Variants in CADM1 observed in about 807,000 individuals in gnomAD.
CADM1 encodes the protein cell adhesion molecule 1.
A neutral mutation model predicts 53.1 loss-of-function variants in CADM1; 15 were observed. The ratio of observed to expected loss-of-function variants is 0.28; its 90% confidence interval spans 0.19 to 0.44. CADM1 has a LOEUF of 0.44. Among genes scored for constraint, CADM1 ranks in the 20% least tolerant of loss-of-function variants. The pLI is 1.00. For missense variants in CADM1, 434 were observed against 611.3 expected, an observed-to-expected ratio of 0.71 and a Z score of 3.06; for synonymous variants, 281 against 243.0, an observed-to-expected ratio of 1.16 and a Z score of -1.45.
intron 1 of CADM1, among the ~76,000 whole-genome samples, chr11:115,362,296 T>TGG (rs1396924581): frequency 1.3e-5 from 2 of 152,208 alleles, no homozygotes; most frequent in Non-Finnish European, 2.9e-5. Context: ...TCCTTTGCCC[T>TGG]ATCTTATACC....
chr11:115,210,238 G>C (rs1004884750), intron 7 of CADM1, among the ~76,000 whole-genome samples: 3 of 152,196 alleles, frequency 2.0e-5, no homozygotes, highest in Non-Finnish European at 4.4e-5. Flanking sequence ...CCAGGCATGT[G>C]AGATTTTACT....
chr11:115,240,247 T>C, intron 2 of CADM1, 27 bp downstream of exon 2: 3 of 1,611,710 alleles, frequency 1.9e-6, no homozygotes, highest in Non-Finnish European at 2.5e-6. Context: ...AAAGTTGCCA[T>C]CTACAACTAT....
chr11:115,467,106 A>T (rs1440192668), intron 1 of CADM1, among the ~76,000 whole-genome samples: 1 of 152,226 alleles, frequency 6.6e-6, no homozygotes, highest in East Asian at 1.9e-4. Flanking sequence ...AGAGGGATTA[A>T]AAATGCTTTT....
chr11:115,500,297 A>AACAG (rs1385994380), intron 1 of CADM1, among the ~76,000 whole-genome samples: 2 of 151,936 alleles, frequency 1.3e-5, no homozygotes, highest in African/African-American at 2.4e-5. Context: ...TTTTGCTAAA[A>AACAG]ACAGACACAC....
chr11:115,240,920 T>C (rs1257441960), intron 1 of CADM1: 4 of 176,318 alleles, frequency 2.3e-5, no homozygotes, highest in South Asian at 1.3e-4. Context: ...TCCCAATGTA[T>C]AGGCAGTTCA....
chr11:115,490,887 G>GTAAC (rs1210522690), intron 1 of CADM1, among the ~76,000 whole-genome samples: 1 of 152,138 alleles, frequency 6.6e-6, no homozygotes, highest in Non-Finnish European at 1.5e-5. Flanking sequence ...GGCAACAGTG[G>GTAAC]TAACTATAGG....
chr11:115,195,934 G>A (rs1940124394), intron 9 of CADM1, among the ~76,000 whole-genome samples: 1 of 152,156 alleles, frequency 6.6e-6, no homozygotes, highest in Admixed American at 6.5e-5. Context: ...GTATTATACA[G>A]GGATCAGCCT....
chr11:115,404,364 T>A (rs1418807132), intron 1 of CADM1, among the ~76,000 whole-genome samples: 686 of 37,094 alleles, frequency 0.018, 89 homozygotes, highest in Admixed American at 0.049. Flanking sequence ...TATATATATA[T>A]ATATATATAT....
chr11:115,271,451 T>C (rs1267799981), intron 1 of CADM1, among the ~76,000 whole-genome samples: 2 of 152,016 alleles, frequency 1.3e-5, no homozygotes, highest in Admixed American at 6.6e-5. Flanking sequence ...CCCAGCTAAT[T>C]TTTTGTATTT....
At chr11:115,201,382 A>C (rs1940420940) in intron 8 of CADM1, among the ~76,000 whole-genome samples, 1 of 152,222 alleles carries the variant, frequency 6.6e-6, no homozygotes, top group Non-Finnish European at 1.5e-5. Flanking sequence ...TGCTCCCTGC[A>C]GGAGACCACG....
chr11:115,369,522 T>C (rs375819146), intron 1 of CADM1, among the ~76,000 whole-genome samples: 13 of 152,166 alleles, frequency 8.5e-5, no homozygotes, highest in African/African-American at 3.1e-4. Context: ...GGAAGAAAAA[T>C]ATCTCTCAGA....
At chr11:115,260,156 C>T (rs912657589) in intron 1 of CADM1, among the ~76,000 whole-genome samples, 1 of 152,164 alleles carries the variant, frequency 6.6e-6, no homozygotes, top group African/African-American at 2.4e-5. Context: ...TCTCAAACTC[C>T]TGGACTCAAG....
At chr11:115,345,948 G>A (rs898953888) in intron 1 of CADM1, among the ~76,000 whole-genome samples, 4 of 152,106 alleles carry the variant, frequency 2.6e-5, no homozygotes, top group African/African-American at 9.7e-5. Context: ...ATAAAGTGAA[G>A]TCTTCATTAG....
At chr11:115,293,223 G>A (rs112488027) in intron 1 of CADM1, among the ~76,000 whole-genome samples, 270 of 152,294 alleles carry the variant, frequency 1.8e-3, no homozygotes, top group African/African-American at 6.0e-3. Context: ...CCGGGGTCAG[G>A]AGATCAAGAC....
chr11:115,184,888 C>T (rs1293133326), intron 10 of CADM1, among the ~76,000 whole-genome samples: 1 of 152,232 alleles, frequency 6.6e-6, no homozygotes, highest in Non-Finnish European at 1.5e-5. Flanking sequence ...CTTAGACTAT[C>T]ACTGGCTACA....
intron 1 of CADM1, among the ~76,000 whole-genome samples, chr11:115,323,906 G>A (rs1254170794): frequency 6.6e-6 from 1 of 151,588 alleles, no homozygotes; most frequent in Non-Finnish European, 1.5e-5. Flanking sequence ...AAAAAAAGTG[G>A]GATCAATCTA....
chr11:115,332,679 G>GTC (rs1945162726), intron 1 of CADM1, among the ~76,000 whole-genome samples: 1 of 152,074 alleles, frequency 6.6e-6, no homozygotes, highest in African/African-American at 2.4e-5. Context: ...TGATTATAGG[G>GTC]GAGTACCCTT....
chr11:115,296,270 A>G (rs1944076261), intron 1 of CADM1, among the ~76,000 whole-genome samples: 1 of 152,150 alleles, frequency 6.6e-6, no homozygotes, highest in African/African-American at 2.4e-5. Context: ...ATTTTCTATT[A>G]GCCCCACTGG....
At chr11:115,322,391 T>G (rs1264825701) in intron 1 of CADM1, among the ~76,000 whole-genome samples, 1 of 152,246 alleles carries the variant, frequency 6.6e-6, no homozygotes, top group East Asian at 1.9e-4. Context: ...ATGTCAAGTA[T>G]ATATAACACT....
Sources: gnomAD v4.1 joint callset for allele counts (sites outside exome capture counted in the v4.1 genomes callset) on GRCh38, gnomAD v4.1.1 for gene constraint, MANE v1.5 for transcripts, NCBI Gene and HGNC (gene_info 2026-07-23, HGNC 2026-07-21) for gene names.